Variants in L3MBTL4 observed in about 807,000 individuals in gnomAD.
L3MBTL4 encodes the protein L3MBTL histone methyl-lysine binding protein 4.
L3MBTL4 carries 70 observed loss-of-function variants against 84.5 expected under a neutral mutation model. That is an observed-to-expected ratio of 0.83 (90% CI 0.68 to 1.01). The LOEUF is 1.01. Among genes scored for constraint, L3MBTL4 ranks in the 50% least tolerant of loss-of-function variants. The pLI is 0.00. For synonymous variants in L3MBTL4, 274 were observed against 259.8 expected, an observed-to-expected ratio of 1.05 and a Z score of -0.52; for missense variants, 715 against 754.8, an observed-to-expected ratio of 0.95 and a Z score of 0.62.
intron 4 of L3MBTL4, among the ~76,000 whole-genome samples, chr18:6,271,022 C>A (rs1361323619): frequency 6.6e-6 from 1 of 152,142 alleles, no homozygotes; most frequent in Non-Finnish European, 1.5e-5. Context: ...GCATGCAGTG[C>A]CCTCTGTGGT....
At chr18:6,142,419 G>T (rs1022984953) in intron 13 of L3MBTL4, among the ~76,000 whole-genome samples, 6 of 152,218 alleles carry the variant, frequency 3.9e-5, no homozygotes, top group African/African-American at 7.2e-5. Flanking sequence ...AATGTGTCAT[G>T]ATATTAAAAC....
At chr18:6,233,420 C>T (rs2047080759) in intron 10 of L3MBTL4, among the ~76,000 whole-genome samples, 1 of 149,666 alleles carries the variant, frequency 6.7e-6, no homozygotes, top group African/African-American at 2.6e-5. Flanking sequence ...TTTAGAAAAC[C>T]CTATCATCTC....
chr18:6,089,491 G>C (rs921523889), intron 15 of L3MBTL4, among the ~76,000 whole-genome samples: 1 of 152,168 alleles, frequency 6.6e-6, no homozygotes, highest in South Asian at 2.1e-4. Context: ...CTAGACATCA[G>C]TAGAAAGTAA....
intron 17 of L3MBTL4, among the ~76,000 whole-genome samples, chr18:5,964,329 G>A (rs779314517): frequency 3.9e-5 from 6 of 152,144 alleles, no homozygotes; most frequent in Admixed American, 6.5e-5. Flanking sequence ...TGGCATCATC[G>A]CTGGAGCTCA....
At chr18:6,368,807 C>T in intron 1 of L3MBTL4, among the ~76,000 whole-genome samples, 1 of 152,016 alleles carries the variant, frequency 6.6e-6, no homozygotes, top group East Asian at 1.9e-4. Context: ...TTTGGGAGGC[C>T]GAGGCGGGCA....
chr18:6,200,500 C>T (rs190220680), intron 12 of L3MBTL4, among the ~76,000 whole-genome samples: 12 of 152,260 alleles, frequency 7.9e-5, no homozygotes, highest in Admixed American at 2.0e-4. Flanking sequence ...TTATTATTAC[C>T]GGAAAATCAC....
chr18:6,379,877 G>T (rs1032594988), intron 1 of L3MBTL4, among the ~76,000 whole-genome samples: 4 of 152,156 alleles, frequency 2.6e-5, no homozygotes, highest in Non-Finnish European at 5.9e-5. Flanking sequence ...GATTGGAATC[G>T]TTTCAGAAGG....
chr18:6,048,537 C>T (rs1193339239), intron 16 of L3MBTL4, among the ~76,000 whole-genome samples: 2 of 152,068 alleles, frequency 1.3e-5, no homozygotes, highest in Non-Finnish European at 2.9e-5. Flanking sequence ...TGGCTCACAT[C>T]TGTCATCCCA....
At chr18:6,010,975 A>G (rs2054708105) in intron 16 of L3MBTL4, among the ~76,000 whole-genome samples, 1 of 152,248 alleles carries the variant, frequency 6.6e-6, no homozygotes, top group Non-Finnish European at 1.5e-5. Flanking sequence ...ACAGAATGCA[A>G]GAATATTTCT....
At chr18:6,368,594 C>A (rs2054028120) in intron 1 of L3MBTL4, among the ~76,000 whole-genome samples, 1 of 152,114 alleles carries the variant, frequency 6.6e-6, no homozygotes, top group Non-Finnish European at 1.5e-5. Flanking sequence ...AATGGAGCCA[C>A]AGAAAGTTTA....
At chr18:6,214,506 A>T (rs1043198506) in intron 11 of L3MBTL4, among the ~76,000 whole-genome samples, 1 of 152,356 alleles carries the variant, frequency 6.6e-6, no homozygotes, top group Admixed American at 6.5e-5. Context: ...AAGTGTTTTG[A>T]ATTTTTCAAG....
chr18:6,073,418 T>A (rs1210839490), intron 16 of L3MBTL4, among the ~76,000 whole-genome samples: 1 of 152,144 alleles, frequency 6.6e-6, no homozygotes, highest in Non-Finnish European at 1.5e-5. Flanking sequence ...AATCTACAAT[T>A]AAAATTCTTT....
At chr18:6,058,784 G>A (rs975146370) in intron 16 of L3MBTL4, among the ~76,000 whole-genome samples, 1 of 152,148 alleles carries the variant, frequency 6.6e-6, no homozygotes, top group East Asian at 1.9e-4. Context: ...GGATGGAAAT[G>A]CCACATCTTT....
intron 1 of L3MBTL4, among the ~76,000 whole-genome samples, chr18:6,346,103 AATATATATATAT>A (rs34294575): frequency 1.5e-5 from 2 of 129,824 alleles, no homozygotes; most frequent in Non-Finnish European, 1.7e-5. Context: ...ATGATGTTGG[AATATATATATAT>A]ATATATATAT....
At chr18:6,028,976 C>A (rs1422224389) in intron 16 of L3MBTL4, among the ~76,000 whole-genome samples, 1 of 152,054 alleles carries the variant, frequency 6.6e-6, no homozygotes, top group African/African-American at 2.4e-5. Context: ...TACTCCATAC[C>A]TTTTAAACTG....
chr18:6,065,996 T>A (rs1339834741), intron 16 of L3MBTL4, among the ~76,000 whole-genome samples: 1 of 152,122 alleles, frequency 6.6e-6, no homozygotes, highest in Non-Finnish European at 1.5e-5. Flanking sequence ...CATTTAATAC[T>A]ATGAACTTTC....
intron 16 of L3MBTL4, chr18:6,032,417 ATCTG>A: frequency 2.6e-6 from 1 of 381,544 alleles, no homozygotes; most frequent in Non-Finnish European, 3.4e-6. Context: ...CACACACACA[ATCTG>A]CATCAAAATA....
chr18:6,063,552 G>A (rs574774110), intron 16 of L3MBTL4, among the ~76,000 whole-genome samples: 46 of 151,346 alleles, frequency 3.0e-4, no homozygotes, highest in Non-Finnish European at 5.8e-4. Flanking sequence ...TTTTTAATTA[G>A]GGCCATTCTT....
intron 13 of L3MBTL4, among the ~76,000 whole-genome samples, chr18:6,167,834 CA>C (rs2043754044): frequency 6.6e-6 from 1 of 152,146 alleles, no homozygotes; most frequent in Non-Finnish European, 1.5e-5. Context: ...CCAGGGCAAT[CA>C]GGCAGAAGAA....
Sources: gnomAD v4.1 joint callset for allele counts (sites outside exome capture counted in the v4.1 genomes callset) on GRCh38, gnomAD v4.1.1 for gene constraint, MANE v1.5 for transcripts, NCBI Gene and HGNC (gene_info 2026-07-23, HGNC 2026-07-21) for gene names.